Variants in CDKAL1 observed in about 807,000 individuals in gnomAD.
CDKAL1 encodes CDKAL1 threonylcarbamoyladenosine tRNA methylthiotransferase.
Under a neutral mutation model 68.2 loss-of-function variants are expected in CDKAL1, and 32 were observed. The ratio of observed to expected loss-of-function variants is 0.47; its 90% CI spans 0.35 to 0.63. The LOEUF is 0.63. CDKAL1 is among the 30% of genes least tolerant of loss of function. The pLI is 0.00. For missense variants in CDKAL1, 606 were observed against 696.7 expected, an observed-to-expected ratio of 0.87 and a Z score of 1.47; for synonymous variants, 234 against 244.3, an observed-to-expected ratio of 0.96 and a Z score of 0.39.
At chr6:21,141,268 T>A (rs1056078937) in intron 13 of CDKAL1, among the ~76,000 whole-genome samples, 1 of 152,204 alleles carries the variant, frequency 6.6e-6, no homozygotes, top group African/African-American at 2.4e-5. Flanking sequence ...TGACCTACTT[T>A]CTCTTCTAGC....
At chr6:20,784,275 T>C (rs891376318) in intron 8 of CDKAL1, among the ~76,000 whole-genome samples, 1 of 151,618 alleles carries the variant, frequency 6.6e-6, no homozygotes, top group African/African-American at 2.4e-5. Context: ...ATACTTTAAA[T>C]CATCTCTAGA....
In CDKAL1 at chr6:20,562,492, G is replaced by A. The variant is rs183847334; in HGVS notation, c.286+13787G>A. 9.1e-4 allele frequency among the ~76,000 whole-genome samples: 139 copies of A among 152,216 alleles called. 1 individual carries two copies. Among genetic ancestry groups the A allele is most frequent in the Non-Finnish European group, 1.2e-3 (83 of 68,002 alleles). Reference sequence around the variant, plus strand: ...TGGTCAGGCCTGGTGGCTCACGCCTGTAATCCCAGGCTGAGGTGGGCGGAT... The same window carrying A: ...TGGTCAGGCCTGGTGGCTCACGCCTATAATCCCAGGCTGAGGTGGGCGGAT... On this transcript the variant is annotated intron_variant, in intron 4 of 15. Transcript: ENST00000274695.
At chr6:20,771,838 GGA>G (rs1774958658) in intron 7 of CDKAL1, among the ~76,000 whole-genome samples, 1 of 152,116 alleles carries the variant, frequency 6.6e-6, no homozygotes, top group Non-Finnish European at 1.5e-5. Flanking sequence ...TGCCGTGACT[GGA>G]GGCTTCCTGA....
At chr6:21,205,023 A>T (rs1253574612) in intron 15 of CDKAL1, among the ~76,000 whole-genome samples, 1 of 152,146 alleles carries the variant, frequency 6.6e-6, no homozygotes, top group Non-Finnish European at 1.5e-5. Context: ...TTGGTACCTC[A>T]TATCAGTGGA....
chr6:20,977,584 T>C (rs111721984), intron 10 of CDKAL1, among the ~76,000 whole-genome samples: 1 of 152,116 alleles, frequency 6.6e-6, no homozygotes, highest in Non-Finnish European at 1.5e-5. Flanking sequence ...AAAAAATAAT[T>C]TATATAGGCT....
At chr6:21,199,385 G>A (rs1160684901) in intron 14 of CDKAL1, among the ~76,000 whole-genome samples, 4 of 152,190 alleles carry the variant, frequency 2.6e-5, no homozygotes, top group African/African-American at 9.7e-5. Context: ...AGCACTCCAT[G>A]TCTGGCCTGC....
chr6:21,036,552 C>A (rs1769609187), intron 11 of CDKAL1, among the ~76,000 whole-genome samples: 1 of 152,194 alleles, frequency 6.6e-6, no homozygotes, highest in Non-Finnish European at 1.5e-5. Flanking sequence ...TCCAAAGTGT[C>A]TACCGATGAA....
chr6:21,207,235 A>G (rs1284489438), intron 15 of CDKAL1, among the ~76,000 whole-genome samples: 1 of 144,882 alleles, frequency 6.9e-6, no homozygotes, highest in Admixed American at 6.8e-5. Flanking sequence ...TTTTTTTTTT[A>G]AGTACTTTGC....
chr6:20,977,634 T>A lies in CDKAL1; in HGVS notation c.909+22049T>A, dbSNP rs570480184. 9.8e-5 allele frequency among the ~76,000 whole-genome samples: 15 copies of A among 152,298 alleles called. No homozygotes were observed. In the East Asian group the frequency reaches 2.9e-3, roughly 29 times the overall value. On this transcript the variant is annotated intron_variant, in intron 10 of 15. Transcript: ENST00000274695. ...ATGCCTGTCCTGTAATCCCAGCAAT[T>A]TGGGAAGCCAAGGTGGGCGGATCCC...
At position 21,170,154 on chromosome 6, in the gene CDKAL1, A is replaced by G. The variant is rs1777321805; in HGVS notation, c.1300-27867A>G. On this transcript the variant is annotated intron_variant, in intron 13 of 15. Coordinates refer to ENST00000274695, the MANE Select transcript of CDKAL1 (RefSeq NM_017774.3). ...GCTGTCTTCAGCCTTGTCTGATAAA[A>G]TGCTGGAAGCATGGCACCTGAGATG... Among the ~76,000 whole-genome samples the G allele has an allele frequency of 2.0e-5, 3 of 152,188 alleles. No homozygotes were observed. The South Asian group carries it at 6.2e-4, about 32-fold the overall frequency.
intron 10 of CDKAL1, chr6:20,993,714 T>C (rs1162960012): frequency 1.3e-5 from 2 of 152,252 alleles, no homozygotes; most frequent in Non-Finnish European, 2.9e-5. Flanking sequence ...CTTTTTAAAA[T>C]TAAGTCTGTT....
intron 15 of CDKAL1, among the ~76,000 whole-genome samples, chr6:21,218,715 C>T (rs989000271): frequency 1.3e-5 from 2 of 152,118 alleles, no homozygotes; most frequent in African/African-American, 4.8e-5. Context: ...TCCCTCAGAG[C>T]AAGCAAGCAA....
intron 9 of CDKAL1, among the ~76,000 whole-genome samples, chr6:20,854,979 C>G (rs1759248935): frequency 6.6e-6 from 1 of 152,188 alleles, no homozygotes; most frequent in African/African-American, 2.4e-5. Context: ...CTCTTAGCTT[C>G]TTGAACACTT....
intron 15 of CDKAL1, 99 bp downstream of exon 15, chr6:21,201,373 C>T (rs1778686793): frequency 9.5e-7 from 1 of 1,057,498 alleles, no homozygotes; most frequent in East Asian, 2.5e-5. Context: ...TTATAGTTCC[C>T]TTTTTATGTA....
intron 9 of CDKAL1, among the ~76,000 whole-genome samples, chr6:20,940,539 C>A (rs1763919703): frequency 6.6e-6 from 1 of 152,066 alleles, no homozygotes; most frequent in African/African-American, 2.4e-5. Context: ...ATGCTAATTT[C>A]AATTTGTAAT....
chr6:20,756,926 T>TTCCTTC (rs1561750847), intron 6 of CDKAL1, among the ~76,000 whole-genome samples: 1 of 112,132 alleles, frequency 8.9e-6, no homozygotes, highest in East Asian at 3.7e-4. Context: ...CTTCCTTCCC[T>TTCCTTC]CCTTCCCTTC....
intron 5 of CDKAL1, among the ~76,000 whole-genome samples, chr6:20,729,688 A>G (rs1772819320): frequency 6.6e-6 from 1 of 152,198 alleles, no homozygotes; most frequent in African/African-American, 2.4e-5. Flanking sequence ...GAGAGAGGTT[A>G]AGTAATTCCC....
chr6:20,842,898 A>G (rs916567929), intron 8 of CDKAL1, among the ~76,000 whole-genome samples: 2 of 152,222 alleles, frequency 1.3e-5, no homozygotes, highest in African/African-American at 4.8e-5. Context: ...CAAGGGAACA[A>G]TTTAACACAG....
At chr6:20,685,082 T>A (rs1770557142) in intron 5 of CDKAL1, among the ~76,000 whole-genome samples, 1 of 152,190 alleles carries the variant, frequency 6.6e-6, no homozygotes, top group Admixed American at 6.5e-5. Flanking sequence ...TTGTCAAACC[T>A]AAGGGCATCT....
Sources: gnomAD v4.1 joint callset for allele counts (sites outside exome capture counted in the v4.1 genomes callset) on GRCh38, gnomAD v4.1.1 for gene constraint, MANE v1.5 for transcripts, NCBI Gene and HGNC (gene_info 2026-07-23, HGNC 2026-07-21) for gene names.